Variants in R3HDM1 observed in about 807,000 individuals in gnomAD.
The protein encoded by R3HDM1 is R3H domain-containing protein 1.
A neutral mutation model predicts 141.1 loss-of-function variants in R3HDM1; 46 were observed. That is an observed-to-expected ratio of 0.33 (90% CI 0.26 to 0.42). R3HDM1 has a LOEUF of 0.42. Ranked by LOEUF, R3HDM1 falls within the 10% of genes least tolerant of loss-of-function variation. R3HDM1 has a pLI of 1.00. For synonymous variants in R3HDM1, 435 were observed against 472.9 expected, an observed-to-expected ratio of 0.92 and a Z score of 1.04; for missense variants, 1,184 against 1,368.3, an observed-to-expected ratio of 0.87 and a Z score of 2.12.
At chr2:135,699,060 G>A (rs2105403415) in intron 21 of R3HDM1, among the ~76,000 whole-genome samples, 1 of 119,962 alleles carries the variant, frequency 8.3e-6, no homozygotes, top group East Asian at 2.1e-4. Context: ...AGATAAGATA[G>A]ATTGATTAGA....
At chr2:135,650,234 G>A (rs947026212) in intron 17 of R3HDM1, 8 of 982,066 alleles carry the variant, frequency 8.1e-6, no homozygotes, top group African/African-American at 1.8e-5. Flanking sequence ...TTTTCATAAC[G>A]AAAGAATTTT....
intron 3 of R3HDM1, among the ~76,000 whole-genome samples, chr2:135,615,189 T>C (rs550753241): frequency 6.6e-6 from 1 of 152,282 alleles, no homozygotes; most frequent in East Asian, 1.9e-4. Context: ...ATACTGGTAC[T>C]GTAGACTCTT....
intron 1 of R3HDM1, among the ~76,000 whole-genome samples, chr2:135,553,886 C>T (rs1032455602): frequency 1.1e-4 from 17 of 152,162 alleles, no homozygotes; most frequent in Admixed American, 7.9e-4. Flanking sequence ...GACAGGGTTT[C>T]GCCATGTTGG....
At chr2:135,595,980 G>A (rs1484355475) in intron 1 of R3HDM1, among the ~76,000 whole-genome samples, 2 of 151,988 alleles carry the variant, frequency 1.3e-5, no homozygotes, top group East Asian at 3.9e-4. Flanking sequence ...TTGCTCCTGG[G>A]ATCAGTACTA....
chr2:135,679,612 G>A (rs1211994323), intron 20 of R3HDM1, among the ~76,000 whole-genome samples: 1 of 152,148 alleles, frequency 6.6e-6, no homozygotes, highest in Non-Finnish European at 1.5e-5. Flanking sequence ...TATGTGGAAA[G>A]TTTCTTTTTC....
At chr2:135,619,415 T>C (rs534299081) in intron 5 of R3HDM1, among the ~76,000 whole-genome samples, 1 of 152,314 alleles carries the variant, frequency 6.6e-6, no homozygotes, top group South Asian at 2.1e-4. Flanking sequence ...TTATTGATCA[T>C]AGATAATTTT....
intron 1 of R3HDM1, among the ~76,000 whole-genome samples, chr2:135,575,472 A>G (rs1166256698): frequency 6.6e-6 from 1 of 152,214 alleles, no homozygotes; most frequent in African/African-American, 2.4e-5. Context: ...GTGAGCCAAC[A>G]TGCCCGGCCC....
intron 19 of R3HDM1, chr2:135,665,339 G>A (rs375347170): frequency 2.0e-5 from 10 of 495,894 alleles, no homozygotes; most frequent in African/African-American, 1.6e-4. Flanking sequence ...TATGACTCTT[G>A]ACAAGTTTGT....
At chr2:135,597,194 A>C in intron 1 of R3HDM1, 1 of 972,386 alleles carries the variant, frequency 1.0e-6, no homozygotes. Context: ...TCCTAAAATT[A>C]TTATTTATAT....
At chr2:135,614,694 A>C (rs1401696529) in intron 3 of R3HDM1, among the ~76,000 whole-genome samples, 1 of 152,196 alleles carries the variant, frequency 6.6e-6, no homozygotes. Context: ...GTGATACTTA[A>C]AATTACAAGA....
intron 17 of R3HDM1, chr2:135,651,488 T>A: frequency 2.1e-6 from 2 of 965,226 alleles, no homozygotes; most frequent in Non-Finnish European, 2.5e-6. Flanking sequence ...TACCCTACTC[T>A]TTTCTGCATG....
intron 1 of R3HDM1, among the ~76,000 whole-genome samples, chr2:135,578,757 T>TTAG (rs1478559721): frequency 3.3e-5 from 5 of 152,190 alleles, no homozygotes; most frequent in African/African-American, 1.2e-4. Flanking sequence ...GAGGTATCGC[T>TTAG]TAGGAATTCT....
intron 6 of R3HDM1, 151 bp from the exon 7 acceptor site, chr2:135,622,503 C>T: frequency 7.6e-7 from 1 of 1,323,102 alleles, no homozygotes; most frequent in South Asian, 2.3e-5. Context: ...TCGTGGTCAC[C>T]TGATTTCATT....
At chr2:135,660,600 C>T (rs2066565756) in intron 18 of R3HDM1, among the ~76,000 whole-genome samples, 1 of 152,008 alleles carries the variant, frequency 6.6e-6, no homozygotes, top group African/African-American at 2.4e-5. Flanking sequence ...AATCCCAGCA[C>T]TTTGGGAGGC....
intron 7 of R3HDM1, among the ~76,000 whole-genome samples, chr2:135,631,500 T>A: frequency 6.6e-6 from 1 of 152,114 alleles, no homozygotes; most frequent in East Asian, 1.9e-4. Context: ...ATTCTCTACA[T>A]TAGTGTATGT....
At position 135,642,707 on chromosome 2, in the gene R3HDM1, G is replaced by T. The variant is rs574039365; in HGVS notation, c.1474+917G>T. ...GGCAGTAGTTTACAGGCAGATACGG[G>T]TGGGAGTATAAGGTCTCTAAGTGTT... On this transcript the variant is annotated intron_variant, in intron 15 of 26. Transcript: ENST00000683871. Among the ~76,000 whole-genome samples, 11 of 152,240 alleles carry T rather than the reference G, an allele frequency of 7.2e-5. No individual in the cohort carries two copies. In the South Asian group the frequency reaches 2.1e-3, roughly 29 times the overall value.
rs1042747744 is a variant in R3HDM1, at chr2:135,583,741, T to C, written c.-249-18759T>C. The C allele has an allele frequency of 2.4e-5, 24 of 985,282 alleles. No homozygotes were observed. In the African/African-American group the frequency reaches 3.5e-4, roughly 14 times the overall value. 61.0% of individuals were successfully genotyped at this position (985,282 alleles called of 1,614,324 possible). A position where few individuals can be genotyped will look rare whatever the true frequency, so the allele number is the denominator to read the frequency against. ...GTGAGAGGATTAGGTTCAAATGTTG[T>C]CTTTACCTGTAAAGGTTGAGATCTT... On this transcript the variant is annotated intron_variant, in intron 1 of 26. Transcript: ENST00000683871.
chr2:135,539,931 T>TG (rs1450960233), intron 1 of R3HDM1, among the ~76,000 whole-genome samples: 1 of 152,016 alleles, frequency 6.6e-6, no homozygotes, highest in Non-Finnish European at 1.5e-5. Flanking sequence ...TCCACGTTGA[T>TG]GGACACTTCC....
intron 1 of R3HDM1, among the ~76,000 whole-genome samples, chr2:135,599,149 A>G (rs2059422464): frequency 6.6e-6 from 1 of 152,148 alleles, no homozygotes; most frequent in Non-Finnish European, 1.5e-5. Context: ...TTATGGTTTC[A>G]GGTAAGTGCC....
Sources: allele counts gnomAD v4.1 joint callset (sites outside exome capture counted in the v4.1 genomes callset), GRCh38; gene constraint gnomAD v4.1.1; transcripts MANE v1.5; gene names NCBI Gene and HGNC (gene_info 2026-07-23, HGNC 2026-07-21).